The following SGCD variants were observed in gnomAD, a reference collection of about 807,000 sequenced individuals.
SGCD encodes sarcoglycan delta.
In SGCD, 18 loss-of-function variants were observed where a neutral mutation model predicts 36.6. That is an observed-to-expected ratio of 0.49 (90% confidence interval 0.34 to 0.73). SGCD has a LOEUF of 0.73. Ranked by LOEUF, SGCD falls within the 30% of genes least tolerant of loss-of-function variation. The probability of loss-of-function intolerance (pLI) is 0.01; values close to 1 mark genes in which losing one functional copy is unlikely to be tolerated. For missense variants in SGCD, 387 were observed against 346.7 expected (o/e 1.12, Z -0.92); for synonymous variants, 133 against 130.6 (o/e 1.02, Z -0.12).
At chr5:156,642,082 T>A (rs938920939) in intron 6 of SGCD, among the ~76,000 whole-genome samples, 1 of 152,176 alleles carries the variant, frequency 6.6e-6, no homozygotes, top group Non-Finnish European at 1.5e-5. Context: ...CTTGCAGACA[T>A]CCATCATCTT....
At chr5:156,283,384 T>TGA (rs1766508256) in intron 3 of SGCD, among the ~76,000 whole-genome samples, 1 of 152,212 alleles carries the variant, frequency 6.6e-6, no homozygotes, top group Non-Finnish European at 1.5e-5. Context: ...ACACTGAAGT[T>TGA]TAACCATATT....
chr5:156,573,830 A>T (rs1391524687), intron 4 of SGCD, among the ~76,000 whole-genome samples: 1 of 152,026 alleles, frequency 6.6e-6, no homozygotes, highest in African/African-American at 2.4e-5. Flanking sequence ...AGTAGTTAGG[A>T]CTATAAGCAC....
chr5:155,965,297 T>C (rs1757881041), intron 1 of SGCD, among the ~76,000 whole-genome samples: 1 of 152,142 alleles, frequency 6.6e-6, no homozygotes, highest in Non-Finnish European at 1.5e-5. Flanking sequence ...CCTCCTCTGA[T>C]GTATCCTAGA....
intron 4 of SGCD, among the ~76,000 whole-genome samples, chr5:156,581,483 A>G (rs369334288): frequency 2.0e-5 from 3 of 152,188 alleles, no homozygotes; most frequent in African/African-American, 7.2e-5. Flanking sequence ...TAAGTCTGCA[A>G]AAGTTTCTGC....
chr5:156,750,813 G>C (rs538499844), intron 7 of SGCD, among the ~76,000 whole-genome samples: 36 of 152,110 alleles, frequency 2.4e-4, no homozygotes, highest in African/African-American at 8.2e-4. Context: ...CTATATTTCA[G>C]GAAAATAGGA....
At chr5:156,004,633 T>C (rs1008678460) in intron 1 of SGCD, among the ~76,000 whole-genome samples, 4 of 152,180 alleles carry the variant, frequency 2.6e-5, no homozygotes, top group Non-Finnish European at 1.5e-5. Flanking sequence ...GTGTTTTGAG[T>C]AGGAAAGAAA....
At chr5:155,833,974 C>G in the SGCD span, among the ~76,000 whole-genome samples, 1 of 152,220 alleles carries the variant, frequency 6.6e-6, no homozygotes, top group Admixed American at 6.5e-5. Context: ...GGACATCAGT[C>G]TTCCTTTCAC....
intron 1 of SGCD, among the ~76,000 whole-genome samples, chr5:155,888,887 C>T (rs1416117368): frequency 6.6e-6 from 1 of 152,156 alleles, no homozygotes; most frequent in Non-Finnish European, 1.5e-5. Flanking sequence ...CCACATCCTT[C>T]ACTTCTATGG....
At chr5:156,686,261 T>C (rs945525722) in intron 7 of SGCD, among the ~76,000 whole-genome samples, 1 of 152,172 alleles carries the variant, frequency 6.6e-6, no homozygotes, top group African/African-American at 2.4e-5. Context: ...ATGGCTCAGC[T>C]GCCATTCGAA....
At chr5:156,357,127 C>G (rs1401784557) in intron 3 of SGCD, among the ~76,000 whole-genome samples, 1 of 152,156 alleles carries the variant, frequency 6.6e-6, no homozygotes, top group Non-Finnish European at 1.5e-5. Context: ...TGCAACAGTA[C>G]CGCCACCATC....
chr5:156,035,511 A>C (rs1319424713), intron 1 of SGCD, among the ~76,000 whole-genome samples: 1 of 152,064 alleles, frequency 6.6e-6, no homozygotes, highest in East Asian at 1.9e-4. Flanking sequence ...TCAGGAGGCT[A>C]AGGTGGGAGA....
the SGCD span, among the ~76,000 whole-genome samples, chr5:155,803,678 T>A: frequency 3.3e-5 from 5 of 152,204 alleles, no homozygotes; most frequent in African/African-American, 1.2e-4. Context: ...ACTGTTTCTA[T>A]TATACTCTCT....
At chr5:156,092,707 T>C in intron 1 of SGCD, among the ~76,000 whole-genome samples, 1 of 152,242 alleles carries the variant, frequency 6.6e-6, no homozygotes, top group East Asian at 1.9e-4. Context: ...CAGCAGGACC[T>C]GTAAGTGTAA....
chr5:156,450,837 G>A (rs886623488), intron 3 of SGCD, among the ~76,000 whole-genome samples: 4 of 151,886 alleles, frequency 2.6e-5, no homozygotes, highest in African/African-American at 4.8e-5. Context: ...GCATGTATGC[G>A]TATATATCAT....
chr5:156,117,499 T>C (rs1485339161), intron 1 of SGCD, among the ~76,000 whole-genome samples: 1 of 152,200 alleles, frequency 6.6e-6, no homozygotes, highest in Non-Finnish European at 1.5e-5. Context: ...CAGCTGACAT[T>C]ATTTTGGAAG....
chr5:156,067,837 G>C (rs1475781590), intron 1 of SGCD, among the ~76,000 whole-genome samples: 1 of 140,438 alleles, frequency 7.1e-6, no homozygotes, highest in Non-Finnish European at 1.5e-5. Flanking sequence ...TGCGCCCACT[G>C]TCTGGCACTC....
chr5:156,393,755 C>G (rs1289788959), intron 3 of SGCD: 1 of 456,168 alleles, frequency 2.2e-6, no homozygotes, highest in Non-Finnish European at 4.4e-6. Context: ...ACATCTAGAG[C>G]ATCCATCTGC....
intron 6 of SGCD, among the ~76,000 whole-genome samples, chr5:156,620,564 G>A (rs749457350): frequency 7.2e-5 from 11 of 152,138 alleles, no homozygotes; most frequent in Non-Finnish European, 1.2e-4. Flanking sequence ...AGAGGTGTTC[G>A]GGAGAAACTT....
chr5:155,840,507 T>C, the SGCD span, among the ~76,000 whole-genome samples: 1 of 150,752 alleles, frequency 6.6e-6, no homozygotes, highest in Non-Finnish European at 1.5e-5. Context: ...GCCAGGATGG[T>C]CTTGATGTCC....
Sources: allele counts gnomAD v4.1 joint callset (sites outside exome capture counted in the v4.1 genomes callset), GRCh38; gene constraint gnomAD v4.1.1; transcripts MANE v1.5; gene names NCBI Gene and HGNC (gene_info 2026-07-23, HGNC 2026-07-21).